The following UGCG variants were observed in gnomAD, a reference collection of about 807,000 sequenced individuals.
UGCG encodes the protein ceramide glucosyltransferase.
A neutral mutation model predicts 49.5 loss-of-function variants in UGCG; 10 were observed. The ratio of observed to expected loss-of-function variants is 0.20; its 90% CI spans 0.12 to 0.34. UGCG has a LOEUF of 0.34. Ranked by LOEUF, UGCG falls within the 10% of genes least tolerant of loss-of-function variation. The probability of loss-of-function intolerance (pLI) is 1.00; values close to 1 mark genes in which losing one functional copy is unlikely to be tolerated. For synonymous variants in UGCG, 182 were observed against 158.2 expected (o/e 1.15, Z -1.13); for missense variants, 312 against 483.7 (o/e 0.65, Z 3.33).
In UGCG at chr9:111,901,002, C is replaced by T. The variant is rs186935539; in HGVS notation, c.98+3689C>T. On this transcript the variant is annotated intron_variant, in intron 1 of 8. Coordinates refer to ENST00000374279, the MANE Select transcript of UGCG (RefSeq NM_003358.3). ...CTGGGACTACCGGTGCATGCCATCACGCCCAGCTAATTTTTGTCACCCAGG... is the reference window on the plus strand; with the variant it reads ...CTGGGACTACCGGTGCATGCCATCATGCCCAGCTAATTTTTGTCACCCAGG... 1.9e-3 allele frequency among the ~76,000 whole-genome samples: 294 copies of T among 152,104 alleles called. 1 individual carries two copies. Among genetic ancestry groups the T allele is most frequent in the African/African-American group, 6.5e-3 (268 of 41,484 alleles).
At chr9:111,930,220 ATG>A (rs892040284) in intron 6 of UGCG, among the ~76,000 whole-genome samples, 40 of 152,288 alleles carry the variant, frequency 2.6e-4, no homozygotes, top group African/African-American at 9.1e-4. Context: ...TTTCAAATTA[ATG>A]TGTTTTAAAG....
intron 2 of UGCG, chr9:111,915,701 A>G (rs1457808796): frequency 5.5e-6 from 4 of 721,586 alleles, no homozygotes; most frequent in African/African-American, 1.9e-5. Flanking sequence ...GGAAGATGAT[A>G]TGCGCACTAC....
intron 3 of UGCG, 46 bp from the exon 4 acceptor site, chr9:111,924,731 T>C: frequency 9.6e-7 from 1 of 1,036,352 alleles, no homozygotes. Flanking sequence ...ATAAAATATT[T>C]TTAATGTTGC....
intron 1 of UGCG, among the ~76,000 whole-genome samples, chr9:111,899,227 G>GT (rs1837722711): frequency 2.0e-5 from 3 of 152,120 alleles, no homozygotes; most frequent in Admixed American, 1.3e-4. Context: ...GGAATTATTG[G>GT]GCCAGAAGTG....
Position 111,897,252 on chromosome 9 carries a change from G to A in UGCG, c.37G>A (p.Val13Ile). ...LLDLALEGMA[V>I]FGFVLFLVLW... The stretch of plus-strand genomic sequence containing the variant: ...GGACCTGGCCTTGGAGGGAATGGCC[G>A]TCTTCGGGTTCGTCCTCTTCTTGGT... Residue 13 changes from valine to isoleucine, a missense_variant, in exon 1 of 9, where the codon GTC becomes ATC. Val to Ile is a conservative substitution (Grantham distance 29, BLOSUM62 3). Coordinates refer to ENST00000374279, the MANE Select transcript of UGCG (RefSeq NM_003358.3). 1 of 1,556,704 alleles carries A rather than the reference G, an allele frequency of 6.4e-7. No homozygotes were observed.
rs781602001 is a variant in UGCG, at chr9:111,929,480, G to A, written c.559-20G>A. ...TTAACATGAAATTCTAATCATACAC[G>A]TTTGTGGTTTTTTGGGCAGGTATAT... On this transcript the variant is annotated intron_variant, in intron 5 of 8. Coordinates refer to ENST00000374279, the MANE Select transcript of UGCG (RefSeq NM_003358.3). The A allele has an allele frequency of 3.4e-5, 55 of 1,599,940 alleles. No individual in the cohort carries two copies. Among genetic ancestry groups the A allele is most frequent in the Non-Finnish European group, 4.5e-5 (53 of 1,173,392 alleles).
chr9:111,932,481 C>A, intron 8 of UGCG, 122 bp downstream of exon 8: 2 of 1,051,096 alleles, frequency 1.9e-6, no homozygotes, highest in Non-Finnish European at 2.7e-6. Context: ...AGGTTAGTCT[C>A]GGGTTTGAAC....
chr9:111,931,797 C>T lies in UGCG; in HGVS notation c.825-373C>T, dbSNP rs182323388. 2.7e-3 allele frequency among the ~76,000 whole-genome samples: 417 copies of T among 152,086 alleles called. 3 individuals are homozygous for T. The highest frequency in any genetic ancestry group is 4.2e-3 in the Non-Finnish European group (284 of 67,984). ...ATCCCAGCGCTTTGGGAGGCCAAGG[C>T]GAGAGGACTGCTTGAGCCCAGGAGT... On this transcript the variant is annotated intron_variant, in intron 7 of 8. Transcript: ENST00000374279.
At chr9:111,929,151 C>A in intron 5 of UGCG, 1 of 198,020 alleles carries the variant, frequency 5.0e-6, no homozygotes, top group Non-Finnish European at 1.0e-5. Flanking sequence ...ACGTAACATA[C>A]AAATATGTAT....
At position 111,933,380 on chromosome 9, in the gene UGCG, T is replaced by C. The variant is rs574871110; in HGVS notation, c.*383T>C. 6.6e-6 allele frequency: 1 copy of C among 152,430 alleles called. No homozygotes were observed. Among genetic ancestry groups the C allele is most frequent in the African/African-American group, 2.4e-5 (1 of 41,576 alleles). 9.4% of individuals were successfully genotyped at this position (152,430 alleles called of 1,614,324 possible). ...TGTGAGTACACTCTTTTAGAACATTTACGGGTGGCAGCAGCTTTGCTTTAG... is the reference window on the plus strand; with the variant it reads ...TGTGAGTACACTCTTTTAGAACATTCACGGGTGGCAGCAGCTTTGCTTTAG... On this transcript the variant is annotated 3_prime_UTR_variant, in exon 9 of 9. Transcript: ENST00000374279.
At chr9:111,908,124 T>TA (rs1402535835) in intron 1 of UGCG, among the ~76,000 whole-genome samples, 24 of 152,250 alleles carry the variant, frequency 1.6e-4, no homozygotes, top group African/African-American at 5.8e-4. Context: ...GTAGGGCTTT[T>TA]AGTACTAGTG....
intron 1 of UGCG, among the ~76,000 whole-genome samples, chr9:111,907,170 G>A (rs1018571774): frequency 6.6e-6 from 1 of 152,148 alleles, no homozygotes; most frequent in African/African-American, 2.4e-5. Context: ...CCGCCTCCTA[G>A]GAGTAGTTGG....
chr9:111,897,408 C>CCTG, intron 1 of UGCG, 95 bp downstream of exon 1: 1 of 985,222 alleles, frequency 1.0e-6, no homozygotes, highest in Non-Finnish European at 1.5e-6. Flanking sequence ...GGGGACTGGG[C>CCTG]TCGGGCGGGG....
At chr9:111,903,878 T>G (rs895854040) in intron 1 of UGCG, among the ~76,000 whole-genome samples, 3 of 152,132 alleles carry the variant, frequency 2.0e-5, no homozygotes, top group African/African-American at 7.2e-5. Flanking sequence ...TTATAGGCCT[T>G]TCCATTCTTC....
intron 2 of UGCG, among the ~76,000 whole-genome samples, chr9:111,920,720 GTTA>G (rs1838206050): frequency 6.6e-6 from 1 of 151,982 alleles, no homozygotes; most frequent in South Asian, 2.1e-4. Flanking sequence ...GCAAACAATT[GTTA>G]TTATGCTCAC....
chr9:111,897,197 C>A lies in UGCG; in HGVS notation c.-19C>A, dbSNP rs376690769. The stretch of plus-strand genomic sequence containing the variant: ...TGTTGGCGGCCGCAGCGGGCCGGGC[C>A]GGTCCGGCGGGCCGGGGGATGGCGC... On this transcript the variant is annotated 5_prime_UTR_variant, in exon 1 of 9. Transcript: ENST00000374279. 6.5e-7 allele frequency: 1 copy of A among 1,539,822 alleles called. No individual in the cohort carries two copies. The highest frequency in any genetic ancestry group is 8.7e-7 in the Non-Finnish European group (1 of 1,144,822).
intron 5 of UGCG, among the ~76,000 whole-genome samples, chr9:111,928,377 A>G (rs1271917172): frequency 1.3e-5 from 2 of 152,230 alleles, no homozygotes; most frequent in African/African-American, 4.8e-5. Flanking sequence ...AAATTGATAC[A>G]GATGTCAATA....
chr9:111,929,630 C>T lies in UGCG; in HGVS notation c.689C>T (p.Ala230Val), dbSNP rs757211828. The change falls in exon 6 of 9, where the codon GCT becomes GTT. Residue 230 changes from alanine (A) to valine (V), a missense_variant. Physicochemically the swap from Ala to Val is moderately conservative, Grantham distance 64 (BLOSUM62 0). Transcript: ENST00000374279. ...CAAGCAGGAGGACTTATAGCTTTTG[C>T]TCAGTACATTGCCGAAGATTACTTT... ...LDQAGGLIAFAQYIAEDYFMA... is the reference protein window; with the variant it reads ...LDQAGGLIAFVQYIAEDYFMA... 1.2e-6 allele frequency: 2 copies of T among 1,614,036 alleles called. No homozygotes were observed. The highest frequency in any genetic ancestry group is 1.7e-6 in the Non-Finnish European group (2 of 1,180,010).
In UGCG at chr9:111,933,186, A is replaced by C; in HGVS notation, c.*189A>C. The C allele has an allele frequency of 2.3e-6, 1 of 429,952 alleles. No individual in the cohort carries two copies. The highest frequency in any genetic ancestry group is 3.7e-6 in the Non-Finnish European group (1 of 273,204). 26.6% of individuals were successfully genotyped at this position (429,952 alleles called of 1,614,324 possible). A position where few individuals can be genotyped will look rare whatever the true frequency, so the allele number is the denominator to read the frequency against. Reference sequence around the variant, plus strand: ...AAAAACACATCTGTAGTCTTGGCCAAATGATACACTTTATTTTGTGGAAGT... The same window carrying C: ...AAAAACACATCTGTAGTCTTGGCCACATGATACACTTTATTTTGTGGAAGT... On this transcript the variant is annotated 3_prime_UTR_variant, in exon 9 of 9. Transcript: ENST00000374279.
Sources: gnomAD v4.1 joint callset for allele counts (sites outside exome capture counted in the v4.1 genomes callset) on GRCh38, gnomAD v4.1.1 for gene constraint, MANE v1.5 for transcripts, NCBI Gene and HGNC (gene_info 2026-07-23, HGNC 2026-07-21) for gene names.